Variants in DDX54 observed in about 807,000 individuals in gnomAD.
The protein encoded by DDX54 is ATP-dependent RNA helicase DDX54.
A neutral mutation model predicts 105.5 loss-of-function variants in DDX54; 67 were observed. The ratio of observed to expected loss-of-function variants is 0.64; its 90% CI spans 0.52 to 0.78. DDX54 has a LOEUF of 0.78. Ranked by LOEUF, DDX54 falls within the 30% of genes least tolerant of loss-of-function variation. DDX54 has a pLI of 0.00. For synonymous variants in DDX54, 514 were observed against 509.9 expected (o/e 1.01, Z -0.11); for missense variants, 1,206 against 1,230.5 (o/e 0.98, Z 0.30).
At chr12:113,164,391 G>A (rs1952248997) in intron 14 of DDX54, 106 bp from the exon 15 acceptor site, 2 of 1,358,938 alleles carry the variant, frequency 1.5e-6, no homozygotes, top group African/African-American at 2.9e-5. Context: ...GTCTTCCCCA[G>A]TGTCCATTAT....
rs776429968 is a variant in DDX54 at position 113,172,537 on chromosome 12, G to A, written c.1095C>T (p.Cys365=). 19 of 1,614,098 alleles carry A rather than the reference G, an allele frequency of 1.2e-5. No individual in the cohort carries two copies. Among genetic ancestry groups the A allele is most frequent in the East Asian group, 6.7e-5 (3 of 44,904 alleles). The part of the protein sequence containing the change: ...TELLTTQRVS[C]AHIYSALDPT... Reference sequence around the variant, plus strand: ...GGTCTAGGGCACTGTAGATGTGGGCGCAGCTCACCCGCTGGGTCGTCAGCA... The same window carrying A: ...GGTCTAGGGCACTGTAGATGTGGGCACAGCTCACCCGCTGGGTCGTCAGCA... The change falls in exon 11 of 20, where the codon TGC becomes TGT. Residue 365 remains cysteine (C), a synonymous_variant. Transcript: ENST00000306014.
intron 10 of DDX54, among the ~76,000 whole-genome samples, chr12:113,173,140 G>A (rs1396633237): frequency 1.3e-5 from 2 of 152,098 alleles, no homozygotes; most frequent in African/African-American, 4.8e-5. Flanking sequence ...AGAAACTCGA[G>A]ACTAGCCTGG....
Position 113,158,895 on chromosome 12 carries a change from C to T in DDX54, c.2628G>A (p.Lys876=). ...FGRGARSKKG[K]MRKRM Reference sequence around the variant, plus strand: ...CTGGTCCTCACATCCTCTTCCGCATCTTGCCCTTCTTGGAGCGGGCACCCC... The same window carrying T: ...CTGGTCCTCACATCCTCTTCCGCATTTTGCCCTTCTTGGAGCGGGCACCCC... The change falls in exon 20 of 20, where the codon AAG becomes AAA. Residue 876 remains lysine, a synonymous_variant. Coordinates refer to ENST00000306014, the MANE Select transcript of DDX54 (RefSeq NM_024072.4). This position sits in a 1 kb window ranked among gnomAD's most constrained non-coding sequence, Gnocchi z 4.9. 1 of 1,605,394 alleles carries T rather than the reference C, an allele frequency of 6.2e-7. No homozygotes were observed. Among genetic ancestry groups the T allele is most frequent in the South Asian group, 1.1e-5 (1 of 90,512 alleles).
rs773714092 is a variant in DDX54, at chr12:113,179,152, G to C, written c.555C>G (p.Phe185Leu). ...TRELALQTLK[F>L]TKELGKFTGL... ...CCAAGCTCAGACACACCTCCTTAGTGAACTTCAGGGTCTGCAGGGCCAGCT... is the reference window on the plus strand; with the variant it reads ...CCAAGCTCAGACACACCTCCTTAGTCAACTTCAGGGTCTGCAGGGCCAGCT... Residue 185 changes from phenylalanine (F) to leucine (L), a missense_variant, in exon 4 of 20, where the codon TTC (phenylalanine) becomes TTG (leucine). Physicochemically the swap from Phe to Leu is conservative, Grantham distance 22. Transcript: ENST00000306014. 1 of 1,613,892 alleles carries C rather than the reference G, an allele frequency of 6.2e-7. No homozygotes were observed.
At chr12:113,171,383 C>A (rs533794116) in intron 11 of DDX54, among the ~76,000 whole-genome samples, 1 of 152,104 alleles carries the variant, frequency 6.6e-6, no homozygotes. Flanking sequence ...AGATGCATCA[C>A]TTGAGGTTAG....
At position 113,169,808 on chromosome 12, in the gene DDX54, C is replaced by T. The variant is rs767484380; in HGVS notation, c.1376G>A (p.Arg459His). 11 of 1,613,834 alleles carry T rather than the reference C, an allele frequency of 6.8e-6. No homozygotes were observed. The highest frequency in any genetic ancestry group is 6.7e-5 in the Admixed American group (4 of 59,976). ...YLLDLHLFLGRSLTLARPLKE... is the reference protein window; with the variant it reads ...YLLDLHLFLGHSLTLARPLKE... ...GAGGGGTCGGGCGAGGGTGAGGGAG[C>T]GGCCCAGGAACAGGTGCAGATCCAG... The change falls in exon 12 of 20, where the codon CGC becomes CAC. Residue 459 changes from arginine to histidine, a missense_variant. By Grantham distance (29) the Arg-to-His change is conservative. Transcript: ENST00000306014.
Position 113,175,109 on chromosome 12 carries a change from G to T in DDX54, c.801C>A (p.Arg267=), listed in dbSNP as rs758719716. Residue 267 remains arginine (R), a synonymous_variant, in exon 8 of 20, where the codon CGC becomes CGA. Transcript: ENST00000306014. The part of the protein sequence containing the change: ...FAEQLQEIIA[R]LPGGHQTVLF... ...GCACCGTCTGGTGGCCCCCGGGGAG[G>T]CGGGCGATGATCTCCTGCAGCTGCT... is the stretch of plus-strand genomic sequence containing the variant. 1 of 1,613,748 alleles carries T rather than the reference G, an allele frequency of 6.2e-7. No individual in the cohort carries two copies. Among genetic ancestry groups the T allele is most frequent in the East Asian group, 2.2e-5 (1 of 44,886 alleles).
Position 113,163,052 on chromosome 12 carries a change from A to G in DDX54, c.2082-7T>C. 1 of 1,608,860 alleles carries G rather than the reference A, an allele frequency of 6.2e-7. No individual in the cohort carries two copies. Among genetic ancestry groups the G allele is most frequent in the Non-Finnish European group, 8.5e-7 (1 of 1,178,852 alleles). ...TTCCCCGCTGATGCTCAGGCTGCAG[A>G]GGGAGAGTGGGAGACATAATTGGAT... On this transcript the variant is annotated splice_polypyrimidine_tract_variant and splice_region_variant and intron_variant, in intron 16 of 19. Transcript: ENST00000306014. This position sits in a 1 kb window ranked among gnomAD's most constrained non-coding sequence, Gnocchi z 5.9.
chr12:113,183,202 G>A (rs771081544), intron 1 of DDX54, among the ~76,000 whole-genome samples: 1 of 152,168 alleles, frequency 6.6e-6, no homozygotes, highest in Non-Finnish European at 1.5e-5. Flanking sequence ...TGCCTTCTAC[G>A]GATGTGGAAA....
intron 2 of DDX54, 49 bp from the exon 3 acceptor site, chr12:113,180,054 C>G: frequency 6.3e-7 from 1 of 1,579,168 alleles, no homozygotes; most frequent in Non-Finnish European, 8.7e-7. Flanking sequence ...CCCCACAGCA[C>G]CAACCCCAGA....
intron 3 of DDX54, among the ~76,000 whole-genome samples, chr12:113,179,594 C>T (rs1034403161): frequency 6.6e-6 from 1 of 152,202 alleles, no homozygotes; most frequent in Non-Finnish European, 1.5e-5. Context: ...CCGTCTAGTC[C>T]TCCTCCTCAG....
In DDX54 at chr12:113,169,823, T is replaced by A. The variant is rs1298280132; in HGVS notation, c.1361A>T (p.His454Leu). 6.2e-7 allele frequency: 1 copy of A among 1,613,808 alleles called. No homozygotes were observed. The highest frequency in any genetic ancestry group is 8.5e-7 in the Non-Finnish European group (1 of 1,179,986). The change falls in exon 12 of 20, where the codon CAC becomes CTC. Residue 454 changes from histidine to leucine, a missense_variant. This residue lies in a region of DDX54 where 961 missense variants were observed against 1,019.1 expected (regional missense o/e 0.94). Transcript: ENST00000306014. Reference sequence around the variant, plus strand: ...GGTGAGGGAGCGGCCCAGGAACAGGTGCAGATCCAGCAGGTAGGGGATTTC... The same window carrying A: ...GGTGAGGGAGCGGCCCAGGAACAGGAGCAGATCCAGCAGGTAGGGGATTTC... Reference protein sequence around the residue: ...PDEIPYLLDLHLFLGRSLTLA... With the variant: ...PDEIPYLLDLLLFLGRSLTLA...
intron 19 of DDX54, among the ~76,000 whole-genome samples, chr12:113,159,815 G>A (rs553415438): frequency 8.5e-5 from 13 of 152,158 alleles, no homozygotes; most frequent in African/African-American, 1.4e-4. Context: ...CTAGTTCTCC[G>A]GGAGGCAAGC....
chr12:113,181,384 C>G (rs986865077), intron 1 of DDX54, among the ~76,000 whole-genome samples: 1 of 151,896 alleles, frequency 6.6e-6, no homozygotes, highest in Non-Finnish European at 1.5e-5. Flanking sequence ...CCTTGAACTC[C>G]TAGGCTCAAG....
At chr12:113,180,035 C>G in intron 2 of DDX54, 30 bp from the exon 3 acceptor site, 1 of 1,611,772 alleles carries the variant, frequency 6.2e-7, no homozygotes, top group Non-Finnish European at 8.5e-7. Flanking sequence ...GTCAGGGGGC[C>G]GAGGGAGTCC....
intron 1 of DDX54, 115 bp from the exon 2 acceptor site, chr12:113,181,173 G>T: frequency 1.6e-6 from 2 of 1,277,162 alleles, no homozygotes; most frequent in Non-Finnish European, 2.1e-6. Flanking sequence ...TGATGCTTCC[G>T]CCAGATCACG....
intron 1 of DDX54, among the ~76,000 whole-genome samples, chr12:113,181,575 T>C (rs1017402860): frequency 6.6e-6 from 1 of 151,830 alleles, no homozygotes; most frequent in Non-Finnish European, 1.5e-5. Context: ...CCTCCCAAAG[T>C]GTTGGGATTA....
Position 113,157,766 on chromosome 12 carries a change from G to T in DDX54, c.*1111C>A. 9.2e-7 allele frequency: 1 copy of T among 1,092,110 alleles called. No individual in the cohort carries two copies. The highest frequency in any genetic ancestry group is 1.4e-6 in the Non-Finnish European group (1 of 738,576). The allele number at this position is 1,092,110 out of a possible 1,614,324, so 67.7% of individuals were successfully genotyped here. A position where few individuals can be genotyped will look rare whatever the true frequency, so the allele number is the denominator to read the frequency against. On this transcript the variant is annotated 3_prime_UTR_variant, in exon 20 of 20. Coordinates refer to ENST00000306014, the MANE Select transcript of DDX54 (RefSeq NM_024072.4). ...ACATTTCCAATGGGGTGTGGACTGA[G>T]TGGCTCTTCCTGAATCCGTTTCCTC...
Position 113,179,153 on chromosome 12 carries a change from A to G in DDX54, c.554T>C (p.Phe185Ser). 6.2e-7 allele frequency: 1 copy of G among 1,613,860 alleles called. No individual in the cohort carries two copies. The highest frequency in any genetic ancestry group is 8.5e-7 in the Non-Finnish European group (1 of 1,179,962). ...TRELALQTLKFTKELGKFTGL... is the reference protein window; with the variant it reads ...TRELALQTLKSTKELGKFTGL... Reference sequence around the variant, plus strand: ...CAAGCTCAGACACACCTCCTTAGTGAACTTCAGGGTCTGCAGGGCCAGCTC... The same window carrying G: ...CAAGCTCAGACACACCTCCTTAGTGGACTTCAGGGTCTGCAGGGCCAGCTC... The change falls in exon 4 of 20, where the codon TTC becomes TCC. Residue 185 changes from phenylalanine to serine, a missense_variant. By Grantham distance (155) the Phe-to-Ser change is radical. Coordinates refer to ENST00000306014, the MANE Select transcript of DDX54 (RefSeq NM_024072.4).
Sources: allele counts gnomAD v4.1 joint callset (sites outside exome capture counted in the v4.1 genomes callset), GRCh38; gene constraint gnomAD v4.1.1; regional missense constraint gnomAD v4.1.1; non-coding constraint Gnocchi (gnomAD v3.1); transcripts MANE v1.5; gene names NCBI Gene and HGNC (gene_info 2026-07-23, HGNC 2026-07-21).